Variants in ARHGAP21 observed in about 807,000 individuals in gnomAD.
ARHGAP21 encodes the protein rho GTPase-activating protein 21.
A neutral mutation model predicts 164.6 loss-of-function variants in ARHGAP21; 38 were observed. That is an observed-to-expected ratio of 0.23 (90% CI 0.18 to 0.30). The LOEUF (loss-of-function observed/expected upper bound fraction) is 0.30, where lower values mean the gene tolerates loss of function less well. Ranked by LOEUF, ARHGAP21 falls within the 10% of genes least tolerant of loss-of-function variation. ARHGAP21 has a pLI of 1.00. For synonymous variants in ARHGAP21, 766 were observed against 857.9 expected, an observed-to-expected ratio of 0.89 and a Z score of 1.87; for missense variants, 1,822 against 2,370.7, an observed-to-expected ratio of 0.77 and a Z score of 4.81.
chr10:24,633,626 TATC>T (rs1004330863), intron 5 of ARHGAP21, 146 bp from the exon 6 acceptor site: 34 of 487,330 alleles, frequency 7.0e-5, no homozygotes, highest in South Asian at 2.0e-4. Flanking sequence ...AAATTATTAG[TATC>T]ATAATTATAA....
chr10:24,683,095 CA>C lies in ARHGAP21; in HGVS notation c.64-12699del, dbSNP rs200968718. Among the ~76,000 whole-genome samples the C allele has an allele frequency of 7.0e-3, 622 of 89,016 alleles. 4 individuals are homozygous for C. The highest frequency in any genetic ancestry group is 0.032 in the Middle Eastern group (7 of 220). The allele number at this position is 89,016 out of a possible 152,430, so 58.4% of individuals were successfully genotyped here. A position where few individuals can be genotyped will look rare whatever the true frequency, so the allele number is the denominator to read the frequency against. Reference sequence around the variant, plus strand: ...TGGGCAACACAGCGAAACTCCATCTCAAAAAAAAAAAAAAAAAAAAGATGAT... The same window carrying C: ...TGGGCAACACAGCGAAACTCCATCTCAAAAAAAAAAAAAAAAAAAGATGAT... On this transcript the variant is annotated intron_variant, in intron 2 of 25. Transcript: ENST00000396432.
intron 2 of ARHGAP21, among the ~76,000 whole-genome samples, chr10:24,681,320 G>C (rs939653762): frequency 6.6e-6 from 1 of 152,190 alleles, no homozygotes; most frequent in South Asian, 2.1e-4. Flanking sequence ...TATTTAGATA[G>C]ACATGTTACA....
intron 4 of ARHGAP21, among the ~76,000 whole-genome samples, chr10:24,646,322 T>C (rs1027911261): frequency 1.3e-5 from 2 of 152,058 alleles, no homozygotes; most frequent in Admixed American, 1.3e-4. Flanking sequence ...TCTTAAGTTA[T>C]GGAGCAGCTG....
At chr10:24,705,999 T>C (rs959830932) in intron 2 of ARHGAP21, among the ~76,000 whole-genome samples, 5 of 152,330 alleles carry the variant, frequency 3.3e-5, no homozygotes, top group East Asian at 3.9e-4. Context: ...ATTTTCTCTA[T>C]TGCAAAATAA....
chr10:24,596,271 T>G (rs949435957), intron 17 of ARHGAP21: 4 of 449,570 alleles, frequency 8.9e-6, no homozygotes, highest in African/African-American at 2.1e-5. Flanking sequence ...CCCAGAGAGA[T>G]AACATTCTAA....
chr10:24,720,125 A>G (rs1032437013), intron 2 of ARHGAP21, among the ~76,000 whole-genome samples: 8 of 152,178 alleles, frequency 5.3e-5, no homozygotes, highest in African/African-American at 1.9e-4. Context: ...AACAAATTTC[A>G]CAGCCGTTAA....
intron 24 of ARHGAP21, chr10:24,590,867 A>C: frequency 2.0e-6 from 2 of 984,916 alleles, no homozygotes; most frequent in Non-Finnish European, 2.4e-6. Context: ...ACTTTCTGCC[A>C]TCACAGCAAC....
chr10:24,597,709 A>C, intron 15 of ARHGAP21, 126 bp from the exon 16 acceptor site: 1 of 1,409,498 alleles, frequency 7.1e-7, no homozygotes, highest in Non-Finnish European at 9.6e-7. Context: ...ACAATTCATA[A>C]GCTTTCAATT....
In ARHGAP21 at chr10:24,646,375, G is replaced by C. The variant is rs183769520; in HGVS notation, c.269-11272C>G. ...AACTTCTATGAAATCAACTTGGCCA[G>C]GTGTGGTGGCTCATACCTGTAATCC... On this transcript the variant is annotated intron_variant, in intron 4 of 25. Coordinates refer to ENST00000396432, the MANE Select transcript of ARHGAP21 (RefSeq NM_020824.4). 2.1e-3 allele frequency among the ~76,000 whole-genome samples: 317 copies of C among 152,270 alleles called. 1 individual carries two copies. The highest frequency in any genetic ancestry group is 7.4e-3 in the African/African-American group (308 of 41,538).
intron 11 of ARHGAP21, among the ~76,000 whole-genome samples, chr10:24,606,857 AAAAT>A (rs1195216742): frequency 2.0e-4 from 31 of 152,328 alleles, no homozygotes; most frequent in African/African-American, 6.7e-4. Context: ...ATAAATTTTT[AAAAT>A]AAATAAAAAT....
intron 2 of ARHGAP21, 61 bp downstream of exon 2, chr10:24,721,776 G>C (rs942921887): frequency 5.0e-6 from 8 of 1,592,100 alleles, no homozygotes; most frequent in Non-Finnish European, 6.9e-6. Context: ...CCCCCAACTT[G>C]CAGGACGCTC....
chr10:24,716,140 C>G (rs770484544), intron 2 of ARHGAP21, among the ~76,000 whole-genome samples: 20 of 152,228 alleles, frequency 1.3e-4, no homozygotes, highest in Admixed American at 2.6e-4. Flanking sequence ...GTGCTAGGCA[C>G]TCTTCTAGGC....
chr10:24,586,778 T>G (rs2076120796), intron 25 of ARHGAP21, among the ~76,000 whole-genome samples: 2 of 152,180 alleles, frequency 1.3e-5, no homozygotes, highest in Non-Finnish European at 2.9e-5. Context: ...CCAGGTGTGG[T>G]GGCTCATGCC....
chr10:24,668,448 G>A (rs1031332326), intron 3 of ARHGAP21, among the ~76,000 whole-genome samples: 1 of 152,166 alleles, frequency 6.6e-6, no homozygotes, highest in South Asian at 2.1e-4. Flanking sequence ...GGCTGTGTGT[G>A]TGCTCTGCAA....
chr10:24,611,619 G>A (rs1363708046), intron 9 of ARHGAP21, among the ~76,000 whole-genome samples: 3 of 151,928 alleles, frequency 2.0e-5, no homozygotes, highest in Admixed American at 6.6e-5. Flanking sequence ...CAGGAGAATC[G>A]CTTGAACCTG....
Position 24,595,024 on chromosome 10 carries a change from C to T in ARHGAP21, c.3802G>A (p.Glu1268Lys). 1 of 1,612,928 alleles carries T rather than the reference C, an allele frequency of 6.2e-7. No homozygotes were observed. The highest frequency in any genetic ancestry group is 8.5e-7 in the Non-Finnish European group (1 of 1,179,256). ...TLKRLIHDLP[E>K]HHYETLKFLS... is the part of the protein sequence containing the mutation. Reference sequence around the variant, plus strand: ...AACTTAAGTGTTTCATAATGATGTTCAGGCAAATCGTGAATCTGAAACAGA... The same window carrying T: ...AACTTAAGTGTTTCATAATGATGTTTAGGCAAATCGTGAATCTGAAACAGA... The change falls in exon 21 of 26, where the codon GAA becomes AAA. Residue 1268 changes from glutamate (E) to lysine (K), a missense_variant. Around this residue, in one of 5 missense-constraint regions of ARHGAP21, gnomAD observed 117 missense variants for 238.1 expected, o/e 0.49. Transcript: ENST00000396432.
At chr10:24,646,524 G>C (rs886225692) in intron 4 of ARHGAP21, among the ~76,000 whole-genome samples, 1 of 152,176 alleles carries the variant, frequency 6.6e-6, no homozygotes, top group African/African-American at 2.4e-5. Context: ...TGTGGTCCCA[G>C]CTATTCCAGA....
intron 5 of ARHGAP21, among the ~76,000 whole-genome samples, chr10:24,634,204 T>C (rs754437979): frequency 3.9e-5 from 6 of 152,016 alleles, no homozygotes; most frequent in Non-Finnish European, 8.8e-5. Flanking sequence ...ATTATACATA[T>C]TAATGATATT....
At chr10:24,627,909 C>G (rs1835299770) in intron 7 of ARHGAP21, among the ~76,000 whole-genome samples, 1 of 152,190 alleles carries the variant, frequency 6.6e-6, no homozygotes, top group African/African-American at 2.4e-5. Context: ...GAAATGAGCA[C>G]TGTTCCAAGA....
Sources: allele counts gnomAD v4.1 joint callset (sites outside exome capture counted in the v4.1 genomes callset), GRCh38; gene constraint gnomAD v4.1.1; regional missense constraint gnomAD v4.1.1; transcripts MANE v1.5; gene names NCBI Gene and HGNC (gene_info 2026-07-23, HGNC 2026-07-21).